The following MPDZ variants were observed in gnomAD, a reference collection of about 807,000 sequenced individuals.
MPDZ encodes multiple PDZ domain crumbs cell polarity complex component.
A neutral mutation model predicts 239.1 loss-of-function variants in MPDZ; 234 were observed. That is an observed-to-expected ratio of 0.98 (90% CI 0.88 to 1.09). The LOEUF (loss-of-function observed/expected upper bound fraction) is 1.09, where lower values mean the gene tolerates loss of function less well. MPDZ is among the 50% of genes least tolerant of loss of function. The pLI, the probability that MPDZ is intolerant of heterozygous loss-of-function variation, is 0.00. For synonymous variants in MPDZ, 1,048 were observed against 881.3 expected (o/e 1.19, Z -3.35); for missense variants, 3,175 against 2,510.0 (o/e 1.26, Z -5.66).
intron 1 of MPDZ, among the ~76,000 whole-genome samples, chr9:13,271,268 C>G (rs1972892944): frequency 2.0e-5 from 3 of 152,140 alleles, no homozygotes; most frequent in Admixed American, 2.0e-4. Flanking sequence ...TTTAAGAAGA[C>G]TGAGAAACAC....
chr9:13,134,017 T>A (rs924823167), intron 31 of MPDZ, 113 bp from the exon 32 acceptor site: 3 of 370,214 alleles, frequency 8.1e-6, no homozygotes, highest in Non-Finnish European at 1.4e-5. Flanking sequence ...TAAAATTATT[T>A]TACATTTATT....
chr9:13,254,305 G>A (rs567598414), intron 1 of MPDZ, among the ~76,000 whole-genome samples: 3 of 152,166 alleles, frequency 2.0e-5, no homozygotes, highest in Admixed American at 1.3e-4. Flanking sequence ...TAATGTTAAT[G>A]TCCATACATC....
intron 6 of MPDZ, 127 bp downstream of exon 6, chr9:13,222,106 A>G (rs1959169310): frequency 9.3e-6 from 6 of 647,866 alleles, no homozygotes; most frequent in Non-Finnish European, 1.5e-5. Context: ...AGGCTGGGGA[A>G]AAATAAAAGA....
chr9:13,266,289 C>T (rs569682305), intron 1 of MPDZ, among the ~76,000 whole-genome samples: 3 of 152,158 alleles, frequency 2.0e-5, no homozygotes, highest in Non-Finnish European at 4.4e-5. Context: ...GGGAAGAAAA[C>T]AGCATTTTGG....
chr9:13,220,312 C>G (rs1053287083), intron 7 of MPDZ, among the ~76,000 whole-genome samples: 2 of 151,950 alleles, frequency 1.3e-5, no homozygotes, highest in East Asian at 3.9e-4. Context: ...TTATGAGCCT[C>G]CATACACATG....
At position 13,222,431 on chromosome 9, in the gene MPDZ, T is replaced by C; in HGVS notation, c.549A>G (p.Lys183=). The change falls in exon 6 of 47, where the codon AAA becomes AAG. Residue 183 remains lysine (K), a synonymous_variant. Transcript: ENST00000319217. ...GSVAHRDGRL[K]ETDQILAING... ...TGATAGCAAGAATTTGATCAGTTTC[T>C]TTCAATCTTCCATCTCTATCAAGGA... The C allele has an allele frequency of 6.2e-7, 1 of 1,611,970 alleles. No individual in the cohort carries two copies. The highest frequency in any genetic ancestry group is 8.5e-7 in the Non-Finnish European group (1 of 1,178,952).
Position 13,196,143 on chromosome 9 carries a change from A to G in MPDZ, c.1634T>C (p.Met545Thr), listed in dbSNP as rs781016407. Residue 545 changes from methionine (M) to threonine (T), a missense_variant, in exon 13 of 47, where the codon ATG becomes ACG. Physicochemically the swap from Met to Thr is moderately conservative, Grantham distance 81. Coordinates refer to ENST00000319217, the MANE Select transcript of MPDZ (RefSeq NM_001378778.1). ...AALLTKWQRIMGINYEIVVAH... is the reference protein window; with the variant it reads ...AALLTKWQRITGINYEIVVAH... Reference sequence around the variant, plus strand: ...TACCACTATTTCATAGTTAATTCCCATAATCCTTTGCCATTTTGTCAGCAG... The same window carrying G: ...TACCACTATTTCATAGTTAATTCCCGTAATCCTTTGCCATTTTGTCAGCAG... The G allele has an allele frequency of 6.2e-7, 1 of 1,600,912 alleles. No homozygotes were observed. Among genetic ancestry groups the G allele is most frequent in the Admixed American group, 1.7e-5 (1 of 58,394 alleles).
intron 19 of MPDZ, among the ~76,000 whole-genome samples, chr9:13,178,997 TG>T: frequency 6.6e-6 from 1 of 152,276 alleles, no homozygotes; most frequent in East Asian, 1.9e-4. Flanking sequence ...GTGTGAGATA[TG>T]GGTCTGTCAC....
intron 12 of MPDZ, among the ~76,000 whole-genome samples, chr9:13,200,102 T>C (rs917844513): frequency 6.6e-6 from 1 of 151,974 alleles, no homozygotes; most frequent in Admixed American, 6.6e-5. Flanking sequence ...TTAGAGACTT[T>C]TTATTACCAA....
intron 22 of MPDZ, among the ~76,000 whole-genome samples, chr9:13,163,295 T>C (rs1009209049): frequency 3.3e-5 from 5 of 152,184 alleles, no homozygotes; most frequent in African/African-American, 1.2e-4. Context: ...TTTTCAATAA[T>C]TATGTTAGCT....
intron 24 of MPDZ, among the ~76,000 whole-genome samples, chr9:13,156,185 T>G (rs1221453417): frequency 6.6e-6 from 1 of 152,096 alleles, no homozygotes; most frequent in East Asian, 1.9e-4. Context: ...TTCAAAAGAT[T>G]CTATTATTAA....
In MPDZ at chr9:13,110,000, A is replaced by G. The variant is rs769243940; in HGVS notation, c.5894T>C (p.Leu1965Pro). ...GHQQEPASSS[L>P]SFTGLTSSSI... Reference sequence around the variant, plus strand: ...GCTTGACGTCAGCCCAGTGAAAGAAAGACTGGAACTTGCAGGCTCCTGCTG... The same window carrying G: ...GCTTGACGTCAGCCCAGTGAAAGAAGGACTGGAACTTGCAGGCTCCTGCTG... The change falls in exon 45 of 47, where the codon CTT (leucine) becomes CCT (proline). Residue 1965 changes from leucine (L) to proline (P), a missense_variant. Coordinates refer to ENST00000319217, the MANE Select transcript of MPDZ (RefSeq NM_001378778.1). 1.9e-6 allele frequency: 3 copies of G among 1,613,530 alleles called. No individual in the cohort carries two copies. Among genetic ancestry groups the G allele is most frequent in the Non-Finnish European group, 2.5e-6 (3 of 1,179,754 alleles).
intron 2 of MPDZ, among the ~76,000 whole-genome samples, chr9:13,249,943 C>A (rs972999146): frequency 6.6e-6 from 1 of 152,186 alleles, no homozygotes; most frequent in Non-Finnish European, 1.5e-5. Context: ...GTAATATCTT[C>A]TTTCAGTATT....
At chr9:13,215,209 G>A (rs71507368) in intron 10 of MPDZ, among the ~76,000 whole-genome samples, 8,208 of 151,666 alleles carry the variant, frequency 0.054, 317 homozygotes, top group Non-Finnish European at 0.079. Context: ...CAGTGAAATC[G>A]TACAGTATTT....
rs114875777 is a variant in MPDZ, at chr9:13,261,047, A to G, written c.-57-10675T>C. On this transcript the variant is annotated intron_variant, in intron 1 of 46. Transcript: ENST00000319217. ...GCCAATCTAAGTGCTGACATGAAAA[A>G]CATGAATGGACTACAGTGTCTCTTA... is the stretch of plus-strand genomic sequence containing the variant. Among the ~76,000 whole-genome samples the G allele has an allele frequency of 9.7e-3, 1,474 of 152,266 alleles. 28 individuals carry two copies. The highest frequency in any genetic ancestry group is 0.033 in the African/African-American group (1,365 of 41,542).
chr9:13,224,278 A>G, intron 4 of MPDZ, 96 bp downstream of exon 4: 1 of 1,182,228 alleles, frequency 8.5e-7, no homozygotes, highest in Non-Finnish European at 1.2e-6. Context: ...TTCAGATGTT[A>G]TAAATGTCAC....
chr9:13,126,486 ATTACCAT>A (rs1563853612), intron 34 of MPDZ, 23 bp downstream of exon 34: 1 of 1,481,910 alleles, frequency 6.7e-7, no homozygotes, highest in Non-Finnish European at 9.2e-7. Context: ...ATGGGCCTAC[ATTACCAT>A]TTACTTTATT....
At chr9:13,200,635 G>T (rs569072537) in intron 12 of MPDZ, among the ~76,000 whole-genome samples, 3 of 152,034 alleles carry the variant, frequency 2.0e-5, no homozygotes, top group South Asian at 4.2e-4. Context: ...TTTGTTTCAA[G>T]AAATTTTTAA....
At chr9:13,122,472 T>C (rs1040937194) in intron 36 of MPDZ, among the ~76,000 whole-genome samples, 1 of 152,060 alleles carries the variant, frequency 6.6e-6, no homozygotes, top group Non-Finnish European at 1.5e-5. Flanking sequence ...ACTTTTAAGG[T>C]ATTTTTGACA....
Sources: gnomAD v4.1 joint callset for allele counts (sites outside exome capture counted in the v4.1 genomes callset) on GRCh38, gnomAD v4.1.1 for gene constraint, MANE v1.5 for transcripts, NCBI Gene and HGNC (gene_info 2026-07-23, HGNC 2026-07-21) for gene names.